Variants in KCNMA1 observed in about 807,000 individuals in gnomAD.
The protein encoded by KCNMA1 is potassium calcium-activated channel subfamily M alpha 1.
KCNMA1 carries 29 observed loss-of-function variants against 140.0 expected under a neutral mutation model. The ratio of observed to expected loss-of-function variants is 0.21; its 90% CI spans 0.15 to 0.28. KCNMA1 has a LOEUF of 0.28. Among genes scored for constraint, KCNMA1 ranks in the 10% least tolerant of loss-of-function variants. The pLI, the probability that KCNMA1 is intolerant of heterozygous loss-of-function variation, is 1.00. For missense variants in KCNMA1, 880 were observed against 1,602.2 expected, an observed-to-expected ratio of 0.55 and a Z score of 7.70; for synonymous variants, 612 against 611.9, an observed-to-expected ratio of 1.00 and a Z score of 0.00.
intron 3 of KCNMA1, among the ~76,000 whole-genome samples, chr10:77,193,475 C>T (rs773632819): frequency 1.3e-5 from 2 of 152,168 alleles, no homozygotes; most frequent in Admixed American, 6.5e-5. Context: ...TCTAGCCATC[C>T]CTTTTTTTTA....
At chr10:76,888,685 A>T (rs2038473642) in intron 27 of KCNMA1, among the ~76,000 whole-genome samples, 1 of 152,232 alleles carries the variant, frequency 6.6e-6, no homozygotes, top group African/African-American at 2.4e-5. Context: ...TAATTGTCTC[A>T]AAAATAAATA....
At chr10:77,364,992 CG>C (rs1040657458) in intron 2 of KCNMA1, among the ~76,000 whole-genome samples, 3 of 152,098 alleles carry the variant, frequency 2.0e-5, no homozygotes, top group African/African-American at 4.8e-5. Flanking sequence ...CCAATCCACT[CG>C]GGGAAAAATT....
chr10:77,001,279 A>T (rs1251961384), intron 19 of KCNMA1, 128 bp downstream of exon 19: 4 of 840,484 alleles, frequency 4.8e-6, no homozygotes, highest in African/African-American at 1.7e-5. Flanking sequence ...ACATGTCAGC[A>T]CACAGGAGTT....
At chr10:77,158,216 TGAG>T (rs2098510935) in intron 5 of KCNMA1, among the ~76,000 whole-genome samples, 1 of 152,104 alleles carries the variant, frequency 6.6e-6, no homozygotes, top group African/African-American at 2.4e-5. Flanking sequence ...CTGTATGCCA[TGAG>T]GAGAAAATGA....
intron 2 of KCNMA1, among the ~76,000 whole-genome samples, chr10:77,271,422 A>G (rs1248166668): frequency 1.3e-5 from 2 of 152,202 alleles, no homozygotes; most frequent in African/African-American, 2.4e-5. Flanking sequence ...TCGTCTCACA[A>G]AAAAGAAGCA....
intron 3 of KCNMA1, among the ~76,000 whole-genome samples, chr10:77,216,604 A>G (rs914682753): frequency 6.6e-6 from 1 of 152,208 alleles, no homozygotes; most frequent in Non-Finnish European, 1.5e-5. Flanking sequence ...TAAACTATGA[A>G]AAAATTGTAT....
intron 23 of KCNMA1, among the ~76,000 whole-genome samples, chr10:76,924,003 T>C (rs1468420693): frequency 6.6e-6 from 1 of 152,130 alleles, no homozygotes; most frequent in Non-Finnish European, 1.5e-5. Context: ...AGACCCTGTC[T>C]CAAAAAATAA....
At chr10:77,545,417 T>C (rs1429224499) in intron 1 of KCNMA1, among the ~76,000 whole-genome samples, 1 of 152,198 alleles carries the variant, frequency 6.6e-6, no homozygotes. Context: ...TTCCACCAAG[T>C]GTGAATCCTC....
chr10:76,974,440 T>C (rs1199407964), intron 19 of KCNMA1: 2 of 1,094,904 alleles, frequency 1.8e-6, no homozygotes, highest in Non-Finnish European at 2.7e-6. Flanking sequence ...TGTTGAGGGC[T>C]GCAGGGTAGT....
intron 3 of KCNMA1, among the ~76,000 whole-genome samples, chr10:77,209,360 A>C (rs952695861): frequency 6.6e-6 from 1 of 152,218 alleles, no homozygotes; most frequent in African/African-American, 2.4e-5. Flanking sequence ...AATGGAAAAG[A>C]AAAACAATAG....
chr10:77,353,499 G>A (rs1405542373), intron 2 of KCNMA1, among the ~76,000 whole-genome samples: 1 of 151,308 alleles, frequency 6.6e-6, no homozygotes, highest in Non-Finnish European at 1.5e-5. Context: ...AAGTCTCTAG[G>A]GCTTACAGCA....
At chr10:77,295,288 A>C (rs1032834455) in intron 2 of KCNMA1, among the ~76,000 whole-genome samples, 6 of 152,046 alleles carry the variant, frequency 3.9e-5, no homozygotes, top group Non-Finnish European at 5.9e-5. Context: ...CAGAGGTTGC[A>C]GTGAGCCGAG....
chr10:76,869,937 G>C (rs1470901090), exon 28 of KCNMA1: 1 of 152,574 alleles, frequency 6.6e-6, no homozygotes, highest in East Asian at 1.9e-4. Context: ...TTGAAGTGCA[G>C]GTTTTGGTGT....
At chr10:77,559,843 A>T (rs1264296271) in intron 1 of KCNMA1, among the ~76,000 whole-genome samples, 7 of 152,256 alleles carry the variant, frequency 4.6e-5, no homozygotes, top group African/African-American at 1.4e-4. Flanking sequence ...GCATCATAGC[A>T]TTTAAGCACC....
intron 1 of KCNMA1, among the ~76,000 whole-genome samples, chr10:77,505,324 A>G (rs1324707569): frequency 6.6e-6 from 1 of 152,216 alleles, no homozygotes; most frequent in East Asian, 1.9e-4. Context: ...TTCATCCAAC[A>G]TTGCTGAATA....
At chr10:77,547,288 C>G (rs2061649214) in intron 1 of KCNMA1, among the ~76,000 whole-genome samples, 1 of 152,220 alleles carries the variant, frequency 6.6e-6, no homozygotes, top group African/African-American at 2.4e-5. Flanking sequence ...ACTGCCTCCC[C>G]ACAGGGCTGC....
intron 13 of KCNMA1, among the ~76,000 whole-genome samples, chr10:77,075,112 T>C (rs374527809): frequency 3.9e-5 from 6 of 152,194 alleles, no homozygotes; most frequent in East Asian, 1.9e-4. Flanking sequence ...GACAGTGCCC[T>C]CCCTGATGAG....
At chr10:77,376,892 C>T (rs555770376) in intron 2 of KCNMA1, among the ~76,000 whole-genome samples, 113 of 152,130 alleles carry the variant, frequency 7.4e-4, no homozygotes, top group African/African-American at 2.6e-3. Flanking sequence ...GAGCCGAGAT[C>T]GTGCCACTGC....
At chr10:77,282,880 T>C (rs1340802914) in intron 2 of KCNMA1, among the ~76,000 whole-genome samples, 1 of 152,182 alleles carries the variant, frequency 6.6e-6, no homozygotes, top group Non-Finnish European at 1.5e-5. Context: ...CTTTGCTAAT[T>C]ACTTTTGACA....
Sources: allele counts gnomAD v4.1 joint callset (sites outside exome capture counted in the v4.1 genomes callset), GRCh38; gene constraint gnomAD v4.1.1; transcripts MANE v1.5; gene names NCBI Gene and HGNC (gene_info 2026-07-23, HGNC 2026-07-21).